PPEF1: variants seen among roughly 807,000 people sequenced by gnomAD.
PPEF1 encodes serine/threonine-protein phosphatase with EF-hands 1.
PPEF1 carries 12 observed loss-of-function variants against 53.3 expected under a neutral mutation model. The ratio of observed to expected loss-of-function variants is 0.23; its 90% CI spans 0.14 to 0.36. The LOEUF (loss-of-function observed/expected upper bound fraction) is 0.36, where lower values mean the gene tolerates loss of function less well. Among genes scored for constraint, PPEF1 ranks in the 10% least tolerant of loss-of-function variants. The probability of loss-of-function intolerance (pLI) is 1.00; values close to 1 mark genes in which losing one functional copy is unlikely to be tolerated. For synonymous variants in PPEF1, 165 were observed against 176.7 expected, an observed-to-expected ratio of 0.93 and a Z score of 0.52; for missense variants, 334 against 490.4, an observed-to-expected ratio of 0.68 and a Z score of 3.01.
chrX:18,745,639 A>G (rs907277654), intron 3 of PPEF1, among the ~76,000 whole-genome samples: 20 of 111,518 alleles, frequency 1.8e-4, no homozygotes, highest in Admixed American at 7.7e-4. Context: ...AAGATAGTGG[A>G]TCAGTGTTAG....
At chrX:18,757,584 T>C (rs1391008427) in intron 4 of PPEF1, 43 bp from the exon 5 acceptor site, 1 of 1,017,678 alleles carries the variant, frequency 9.8e-7, no homozygotes, top group Non-Finnish European at 1.4e-6. Flanking sequence ...CATGTCTTTC[T>C]TCCTTGTTCA....
In PPEF1 at chrX:18,757,779, G is replaced by A. The variant is rs745868277; in HGVS notation, c.511+38G>A. ...GCAGAGTTGTCCAATTAATATTTAG[G>A]AGCCTCTTGGTCCTACATCGTTTGC... On this transcript the variant is annotated intron_variant, in intron 5 of 15. Coordinates refer to ENST00000470157, the MANE Select transcript of PPEF1 (RefSeq NM_001377996.1). 2.9e-6 allele frequency: 3 copies of A among 1,028,035 alleles called. No individual in the cohort carries two copies. In the South Asian group the frequency reaches 5.8e-5, roughly 20 times the overall value. 84.7% of individuals were successfully genotyped at this position (1,028,035 alleles called of 1,213,427 possible). A position where few individuals can be genotyped will look rare whatever the true frequency, so the allele number is the denominator to read the frequency against.
chrX:18,727,990 G>A (rs989242044), intron 1 of PPEF1, among the ~76,000 whole-genome samples: 3 of 111,307 alleles, frequency 2.7e-5, no homozygotes, highest in African/African-American at 9.8e-5. Flanking sequence ...CAAGACAACA[G>A]CATTTCTTCC....
intron 9 of PPEF1, among the ~76,000 whole-genome samples, chrX:18,788,304 C>CAAAAAAAA: frequency 3.3e-5 from 1 of 30,301 alleles, no homozygotes; most frequent in African/African-American, 1.5e-4. Flanking sequence ...GACTCTGTCT[C>CAAAAAAAA]AAAAAAAAAA....
At chrX:18,799,134 A>G (rs995949386) in intron 10 of PPEF1, among the ~76,000 whole-genome samples, 25 of 110,023 alleles carry the variant, frequency 2.3e-4, no homozygotes, top group Non-Finnish European at 1.1e-4. Flanking sequence ...TACTCGGGAG[A>G]CTGAGGCAGA....
At chrX:18,813,543 C>T (rs2046850324) in intron 12 of PPEF1, among the ~76,000 whole-genome samples, 1 of 110,606 alleles carries the variant, frequency 9.0e-6, no homozygotes, top group African/African-American at 3.3e-5. Context: ...ATCTGGATCC[C>T]TTGTATTTAT....
chrX:18,742,203 T>C (rs2045189777), intron 3 of PPEF1, among the ~76,000 whole-genome samples: 1 of 112,133 alleles, frequency 8.9e-6, no homozygotes, highest in African/African-American at 3.2e-5. Context: ...ATACCATAAT[T>C]GATCCATTCG....
intron 3 of PPEF1, chrX:18,688,995 G>A (rs916465831): frequency 9.0e-6 from 1 of 111,197 alleles, no homozygotes; most frequent in South Asian, 3.8e-4. Context: ...TCAGGTAGCA[G>A]GCTTCAGAGA....
chrX:18,826,717 C>T lies in PPEF1; in HGVS notation c.1751-559C>T, dbSNP rs546069702. Among the ~76,000 whole-genome samples, 134 of 110,215 alleles carry T rather than the reference C, an allele frequency of 1.2e-3. 2 individuals are homozygous for T. The South Asian group carries it at 0.049, about 40-fold the overall frequency. ...CTGGGATTACAGGCGTGAGCCACTG[C>T]GCCCGGCCTTCTGCCTTTAGCTTTG... On this transcript the variant is annotated intron_variant, in intron 15 of 15. Coordinates refer to ENST00000470157, the MANE Select transcript of PPEF1 (RefSeq NM_001377996.1).
At chrX:18,755,783 T>C (rs1312358718) in intron 4 of PPEF1, among the ~76,000 whole-genome samples, 1 of 111,518 alleles carries the variant, frequency 9.0e-6, no homozygotes, top group African/African-American at 3.3e-5. Context: ...GAACACTTCC[T>C]GTAAGTGGAA....
intron 12 of PPEF1, among the ~76,000 whole-genome samples, chrX:18,811,694 G>C (rs186900473): frequency 0.033 from 3,401 of 103,081 alleles, 143 homozygotes; most frequent in African/African-American, 0.11. Context: ...TGCAGCCTTG[G>C]CCTGCGGGGC....
chrX:18,820,651 C>G (rs1291901237), intron 13 of PPEF1, among the ~76,000 whole-genome samples: 1 of 110,722 alleles, frequency 9.0e-6, no homozygotes, highest in Non-Finnish European at 1.9e-5. Flanking sequence ...TCCCAAAGTG[C>G]TGGGATTACA....
rs897619829 is a variant in PPEF1, at chrX:18,793,089, C to CT, written c.1065+3823dup. 2.9e-4 allele frequency among the ~76,000 whole-genome samples: 31 copies of CT among 107,833 alleles called. No individual in the cohort carries two copies. In the East Asian group the frequency reaches 8.0e-3, roughly 28 times the overall value. The allele number at this position is 107,833 out of a possible 115,157, so 93.6% of individuals were successfully genotyped here. A position where few individuals can be genotyped will look rare whatever the true frequency, so the allele number is the denominator to read the frequency against. On this transcript the variant is annotated intron_variant, in intron 10 of 15. Transcript: ENST00000470157. Reference sequence around the variant, plus strand: ...CTTGTTTTGGGTTTAGTTTGCTCTTCTTTTTTTCAGTTTCCTTAGAAGGTA... The same window carrying CT: ...CTTGTTTTGGGTTTAGTTTGCTCTTCTTTTTTTTCAGTTTCCTTAGAAGGTA...
upstream of PPEF1, among the ~76,000 whole-genome samples, chrX:18,678,857 T>C (rs1346086348): frequency 1.8e-5 from 2 of 110,834 alleles, no homozygotes; most frequent in Admixed American, 9.7e-5. Context: ...CTTGGACTTC[T>C]CTATTTGTTC....
chrX:18,703,736 G>A (rs1307203626), upstream of PPEF1, among the ~76,000 whole-genome samples: 1 of 110,310 alleles, frequency 9.1e-6, no homozygotes, highest in African/African-American at 3.3e-5. Flanking sequence ...TGTGTTTGTT[G>A]TGGATTAACT....
At chrX:18,726,350 TCAAA>T (rs2147353260) in intron 1 of PPEF1, among the ~76,000 whole-genome samples, 1 of 76,730 alleles carries the variant, frequency 1.3e-5, no homozygotes, top group East Asian at 3.6e-4. Context: ...AGACTCTGAC[TCAAA>T]TAAATAAATA....
Position 18,818,075 on chromosome X carries a change from A to G in PPEF1, c.1431A>G (p.Leu477=), listed in dbSNP as rs1159118471. 8.3e-7 allele frequency: 1 copy of G among 1,204,907 alleles called. No homozygotes were observed. The highest frequency in any genetic ancestry group is 1.1e-6 in the Non-Finnish European group (1 of 892,359). The change falls in exon 13 of 16, where the codon TTA becomes TTG. Residue 477 remains leucine, a synonymous_variant. Coordinates refer to ENST00000470157, the MANE Select transcript of PPEF1 (RefSeq NM_001377996.1). ...DTMENSAIKI[L]RERVISRKSD... ...TGGAAAACAGCGCCATCAAGATATT[A>G]AGAGAGAGAGTGATTTCACGAAAAA...
At chrX:18,795,919 A>T (rs1241539269) in intron 10 of PPEF1, among the ~76,000 whole-genome samples, 1 of 112,122 alleles carries the variant, frequency 8.9e-6, no homozygotes, top group Non-Finnish European at 1.9e-5. Flanking sequence ...ACTGTAGGAA[A>T]AGATGTTACA....
At chrX:18,788,304 CAAAAAAAAA>C (rs1214682551) in intron 9 of PPEF1, among the ~76,000 whole-genome samples, 1 of 30,301 alleles carries the variant, frequency 3.3e-5, no homozygotes, top group Non-Finnish European at 5.4e-5. Context: ...GACTCTGTCT[CAAAAAAAAA>C]AAAAAAAAAA....
Sources: allele counts gnomAD v4.1 joint callset (sites outside exome capture counted in the v4.1 genomes callset), GRCh38; gene constraint gnomAD v4.1.1; transcripts MANE v1.5; gene names NCBI Gene and HGNC (gene_info 2026-07-23, HGNC 2026-07-21).